Variants in GRB2 observed in about 807,000 individuals in gnomAD.
GRB2 encodes growth factor receptor bound protein 2, also known as growth factor receptor-bound protein 2.
Under a neutral mutation model 27.4 loss-of-function variants are expected in GRB2, and 2 were observed. The observed-to-expected ratio is 0.07, with a 90% confidence interval of 0.03 to 0.23. GRB2 has a LOEUF of 0.23. Among genes scored for constraint, GRB2 ranks in the 10% least tolerant of loss-of-function variants. The pLI is 1.00. For missense variants in GRB2, 102 were observed against 282.4 expected, an observed-to-expected ratio of 0.36 and a Z score of 4.58; for synonymous variants, 94 against 99.6, an observed-to-expected ratio of 0.94 and a Z score of 0.33.
At chr17:75,376,741 T>G (rs2078896471) in intron 2 of GRB2, among the ~76,000 whole-genome samples, 1 of 151,672 alleles carries the variant, frequency 6.6e-6, no homozygotes, top group Non-Finnish European at 1.5e-5. Flanking sequence ...ACACCTGTAA[T>G]CTGTAATCCC....
intron 2 of GRB2, among the ~76,000 whole-genome samples, chr17:75,383,587 T>C (rs1434698971): frequency 1.3e-5 from 2 of 152,220 alleles, no homozygotes; most frequent in Admixed American, 1.3e-4. Flanking sequence ...CTCACGCCTG[T>C]AATCCCAGCA....
At chr17:75,334,471 G>A (rs531274376) in intron 2 of GRB2, among the ~76,000 whole-genome samples, 12 of 151,950 alleles carry the variant, frequency 7.9e-5, no homozygotes, top group South Asian at 2.1e-4. Flanking sequence ...GTGCCCAGCC[G>A]ATTTATTTAT....
rs951224199 is a variant in GRB2 at position 75,373,222 on chromosome 17, G to A, written c.78+20329C>T. On this transcript the variant is annotated intron_variant, in intron 2 of 5. Transcript: ENST00000316804. ...AGATCATGCCACTGCACTCCAGCCT[G>A]GGAGACAGAGAGACTGTCTCAAAAA... 2.6e-5 allele frequency: 4 copies of A among 152,202 alleles called. No homozygotes were observed. The East Asian group carries it at 5.8e-4, about 22-fold the overall frequency. The allele number at this position is 152,202 out of a possible 1,614,324, so 9.4% of individuals were successfully genotyped here.
chr17:75,375,099 G>T (rs73358264), intron 2 of GRB2, among the ~76,000 whole-genome samples: 1 of 151,780 alleles, frequency 6.6e-6, no homozygotes. Context: ...TAGACGGGGG[G>T]GTCTCACTGT....
intron 3 of GRB2, among the ~76,000 whole-genome samples, chr17:75,328,131 C>CAACTCCGG (rs2078512418): frequency 6.6e-6 from 1 of 151,712 alleles, no homozygotes. Context: ...TGAGACCAGC[C>CAACTCCGG]TGGCCAACGT....
Position 75,320,321 on chromosome 17 carries a change from A to G in GRB2, c.*47T>C, listed in dbSNP as rs772614019. 2.3e-5 allele frequency: 34 copies of G among 1,498,668 alleles called. No homozygotes were observed. The highest frequency in any genetic ancestry group is 2.8e-5 in the Non-Finnish European group (30 of 1,076,042). The allele number at this position is 1,498,668 out of a possible 1,614,324, so 92.8% of individuals were successfully genotyped here. A position where few individuals can be genotyped will look rare whatever the true frequency, so the allele number is the denominator to read the frequency against. On this transcript the variant is annotated 3_prime_UTR_variant, in exon 6 of 6. Transcript: ENST00000316804. This position sits in a 1 kb window ranked among gnomAD's most constrained non-coding sequence, Gnocchi z 4.3. ...CAGCTTGTGGGTTTAATTCTTTTGT[A>G]TGTGTTTTACATTTTTCACTTTCTT...
At chr17:75,338,997 GA>G in intron 2 of GRB2, 28 of 1,254,256 alleles carry the variant, frequency 2.2e-5, no homozygotes, top group Non-Finnish European at 2.3e-5. Flanking sequence ...CGATTTTCCG[GA>G]AAAAGGCTGA....
At chr17:75,338,140 G>A (rs2078594118) in intron 2 of GRB2, among the ~76,000 whole-genome samples, 1 of 151,958 alleles carries the variant, frequency 6.6e-6, no homozygotes, top group African/African-American at 2.4e-5. Context: ...ATATTGGTCA[G>A]GCTGGTCTTG....
chr17:75,320,563 A>T lies in GRB2; in HGVS notation c.469-10T>A. ...GGACGTATGTCGGCTGCTGCAAAAC[A>T]GGAGCAGGAAAAACCCACATTGCAT... is the stretch of plus-strand genomic sequence containing the variant. On this transcript the variant is annotated splice_polypyrimidine_tract_variant and intron_variant, in intron 5 of 5. Coordinates refer to ENST00000316804, the MANE Select transcript of GRB2 (RefSeq NM_002086.5). This position sits in a 1 kb window ranked among gnomAD's most constrained non-coding sequence, Gnocchi z 4.3. 6.2e-7 allele frequency: 1 copy of T among 1,608,306 alleles called. No individual in the cohort carries two copies.
chr17:75,333,644 A>C (rs1371790558), intron 2 of GRB2, among the ~76,000 whole-genome samples: 2 of 152,128 alleles, frequency 1.3e-5, no homozygotes, highest in Non-Finnish European at 2.9e-5. Flanking sequence ...TCACCCACCA[A>C]ACAGCTCCAG....
chr17:75,345,603 T>G (rs1359341286), intron 2 of GRB2, among the ~76,000 whole-genome samples: 2 of 152,200 alleles, frequency 1.3e-5, no homozygotes, highest in Admixed American at 1.3e-4. Context: ...CATTTTCTAC[T>G]TCTGAAGCAG....
At chr17:75,383,061 T>C (rs190815584) in intron 2 of GRB2, among the ~76,000 whole-genome samples, 178 of 151,736 alleles carry the variant, frequency 1.2e-3, no homozygotes, top group African/African-American at 3.8e-3. Context: ...CTATTCTCAT[T>C]ATTGAGACTA....
chr17:75,398,453 G>A (rs1303603802), intron 1 of GRB2, among the ~76,000 whole-genome samples: 1 of 151,630 alleles, frequency 6.6e-6, no homozygotes, highest in Admixed American at 6.6e-5. Context: ...TAGAGATGGG[G>A]TCTCCCTATG....
chr17:75,392,605 T>C (rs574805554), intron 2 of GRB2, among the ~76,000 whole-genome samples: 3 of 152,302 alleles, frequency 2.0e-5, no homozygotes, highest in South Asian at 4.1e-4. Context: ...ACAAATGAGG[T>C]AGCAAATTCC....
At position 75,386,805 on chromosome 17, in the gene GRB2, T is replaced by A. The variant is rs181057567; in HGVS notation, c.78+6746A>T. Among the ~76,000 whole-genome samples, 5 of 152,330 alleles carry A rather than the reference T, an allele frequency of 3.3e-5. No individual in the cohort carries two copies. The East Asian group carries it at 9.6e-4, about 29-fold the overall frequency. On this transcript the variant is annotated intron_variant, in intron 2 of 5. Coordinates refer to ENST00000316804, the MANE Select transcript of GRB2 (RefSeq NM_002086.5). The stretch of plus-strand genomic sequence containing the variant: ...GACCTAAGATCAAACTTCACCTCTG[T>A]CACTTGCTAGATGTGTGAATCTGAG...
intron 2 of GRB2, among the ~76,000 whole-genome samples, chr17:75,342,622 C>T (rs2078628664): frequency 6.6e-6 from 1 of 152,064 alleles, no homozygotes. Flanking sequence ...CCTAGAAAGA[C>T]TGCCATGAGT....
intron 2 of GRB2, chr17:75,338,982 T>C: frequency 8.1e-7 from 1 of 1,227,798 alleles, no homozygotes; most frequent in Middle Eastern, 2.4e-4. Context: ...GTGGGCAGAC[T>C]AAGTCGATTT....
rs554345644 is a variant in GRB2 at position 75,365,975 on chromosome 17, T to C, written c.78+27576A>G. On this transcript the variant is annotated intron_variant, in intron 2 of 5. Coordinates refer to ENST00000316804, the MANE Select transcript of GRB2 (RefSeq NM_002086.5). Reference sequence around the variant, plus strand: ...TCTTTCATAGTCGTACCTAATCACATATCAAGTCTTACTCTTCCTTTAAAA... The same window carrying C: ...TCTTTCATAGTCGTACCTAATCACACATCAAGTCTTACTCTTCCTTTAAAA... Among the ~76,000 whole-genome samples, 6 of 152,312 alleles carry C rather than the reference T, an allele frequency of 3.9e-5. No individual in the cohort carries two copies. The South Asian group carries it at 8.3e-4, about 21-fold the overall frequency.
intron 2 of GRB2, among the ~76,000 whole-genome samples, chr17:75,339,590 T>C (rs1405498957): frequency 6.6e-6 from 1 of 151,564 alleles, no homozygotes; most frequent in East Asian, 1.9e-4. Context: ...CACTGACCTA[T>C]AATGATATAT....
Sources: allele counts gnomAD v4.1 joint callset (sites outside exome capture counted in the v4.1 genomes callset), GRCh38; gene constraint gnomAD v4.1.1; non-coding constraint Gnocchi (gnomAD v3.1); transcripts MANE v1.5; gene names NCBI Gene and HGNC (gene_info 2026-07-23, HGNC 2026-07-21).